Variants in NINJ2 observed in about 807,000 individuals in gnomAD.
NINJ2 encodes ninjurin-2.
NINJ2 carries 12 observed loss-of-function variants against 11.7 expected under a neutral mutation model. The observed-to-expected ratio is 1.02, with a 90% CI of 0.66 to 1.66. The LOEUF is 1.66. NINJ2 is among the 40% of genes most tolerant of loss of function. NINJ2 has a pLI of 0.00. For missense variants in NINJ2, 187 were observed against 181.8 expected (o/e 1.03, Z -0.16); for synonymous variants, 93 against 76.8 (o/e 1.21, Z -1.10).
intron 1 of NINJ2, among the ~76,000 whole-genome samples, chr12:612,563 G>A (rs1565635566): frequency 6.6e-6 from 1 of 152,158 alleles, no homozygotes; most frequent in Non-Finnish European, 1.5e-5. Flanking sequence ...AAAAATGAGA[G>A]GCCAGGCAGC....
In NINJ2 at chr12:580,900, C is replaced by CTG. The variant is rs772320575; in HGVS notation, c.34-14724_34-14723dup. Among the ~76,000 whole-genome samples, 1 of 149,038 alleles carries CTG rather than the reference C, an allele frequency of 6.7e-6. No homozygotes were observed. Among genetic ancestry groups the CTG allele is most frequent in the Non-Finnish European group, 1.5e-5 (1 of 67,286 alleles). On this transcript the variant is annotated intron_variant, in intron 1 of 3. Coordinates refer to ENST00000305108, the MANE Select transcript of NINJ2 (RefSeq NM_016533.6). The surrounding 1 kb of genome is among the most constrained non-coding windows in gnomAD (Gnocchi z 4.7). ...TGTGTCTATGCATGTGTCTGTGTGT[C>CTG]TGTGTGTGTGTCTGTATGTTTGTGT...
Position 633,943 on chromosome 12 carries a change from AC to A in NINJ2, c.33+29384del, listed in dbSNP as rs1441020505. On this transcript the variant is annotated intron_variant, in intron 1 of 3. Coordinates refer to ENST00000305108, the MANE Select transcript of NINJ2 (RefSeq NM_016533.6). The surrounding 1 kb of genome is among the most constrained non-coding windows in gnomAD (Gnocchi z 4.3). ...TCCAGTTGTGCTTTCCCCCACACAC[AC>A]CGTCTGATCTGGTCAGAAAGGCCTT... is the stretch of plus-strand genomic sequence containing the variant. 6.6e-6 allele frequency among the ~76,000 whole-genome samples: 1 copy of A among 152,138 alleles called. No individual in the cohort carries two copies. The highest frequency in any genetic ancestry group is 1.5e-5 in the Non-Finnish European group (1 of 68,028).
At chr12:654,226 TA>T (rs1050111918) in intron 1 of NINJ2, among the ~76,000 whole-genome samples, 7 of 151,880 alleles carry the variant, frequency 4.6e-5, no homozygotes, top group Non-Finnish European at 1.0e-4. Flanking sequence ...ACATACGGAT[TA>T]AAAGTAAATG....
At chr12:598,295 C>A (rs750155801) in intron 1 of NINJ2, among the ~76,000 whole-genome samples, 3 of 152,330 alleles carry the variant, frequency 2.0e-5, no homozygotes, top group Admixed American at 2.0e-4. Context: ...GGGGTAAGTG[C>A]GGATCTACGT....
chr12:565,760 G>C (rs776366178), intron 2 of NINJ2, 190 bp downstream of exon 2: 32 of 671,024 alleles, frequency 4.8e-5, no homozygotes, highest in Non-Finnish European at 7.8e-5. Context: ...CCAGGAGACA[G>C]GACAGGGCGC....
intron 1 of NINJ2, chr12:632,566 C>T (rs1245107710): frequency 6.6e-6 from 1 of 152,272 alleles, no homozygotes; most frequent in Non-Finnish European, 1.5e-5. Flanking sequence ...TGGCAAGACT[C>T]AACATTCCTG....
chr12:637,075 G>C (rs1948361289), intron 1 of NINJ2, among the ~76,000 whole-genome samples: 1 of 152,240 alleles, frequency 6.6e-6, no homozygotes, highest in African/African-American at 2.4e-5. Flanking sequence ...TTCTGGCCAG[G>C]CACAGTGGCT....
At chr12:613,091 C>T (rs911237693) in intron 1 of NINJ2, among the ~76,000 whole-genome samples, 1 of 152,146 alleles carries the variant, frequency 6.6e-6, no homozygotes, top group Non-Finnish European at 1.5e-5. Flanking sequence ...TGGACCCCAG[C>T]CCAGCACTCC....
rs67797144 is a variant in NINJ2 at position 634,265 on chromosome 12, CTTTT to C, written c.33+29059_33+29062del. 9.1e-4 allele frequency among the ~76,000 whole-genome samples: 54 copies of C among 59,532 alleles called. No homozygotes were observed. In the South Asian group the frequency reaches 0.029, roughly 32 times the overall value. The allele number at this position is 59,532 out of a possible 152,430, so 39.1% of individuals were successfully genotyped here. A position where few individuals can be genotyped will look rare whatever the true frequency, so the allele number is the denominator to read the frequency against. On this transcript the variant is annotated intron_variant, in intron 1 of 3. Coordinates refer to ENST00000305108, the MANE Select transcript of NINJ2 (RefSeq NM_016533.6). Reference sequence around the variant, plus strand: ...AAATAAATGTTGATTAGTTGCAGTTCTTTTTTTTTTTTTTTTTTTTTTTTTGCAC... The same window carrying C: ...AAATAAATGTTGATTAGTTGCAGTTCTTTTTTTTTTTTTTTTTTTTTGCAC...
intron 1 of NINJ2, among the ~76,000 whole-genome samples, chr12:654,017 G>A (rs1035082967): frequency 1.3e-5 from 2 of 152,120 alleles, no homozygotes; most frequent in African/African-American, 4.8e-5. Flanking sequence ...GCAATATAGT[G>A]AGACCCCATC....
chr12:629,806 G>A (rs1948250281), intron 1 of NINJ2, among the ~76,000 whole-genome samples: 1 of 148,012 alleles, frequency 6.8e-6, no homozygotes, highest in Non-Finnish European at 1.5e-5. Flanking sequence ...AGAATCACTT[G>A]AACCTGGGAG....
intron 1 of NINJ2, among the ~76,000 whole-genome samples, chr12:657,358 G>A (rs1013004319): frequency 6.6e-6 from 1 of 152,186 alleles, no homozygotes; most frequent in Non-Finnish European, 1.5e-5. Flanking sequence ...GGGAGGCTGA[G>A]GCGGGTGGAT....
At chr12:589,717 A>G (rs542775587) in intron 1 of NINJ2, 1 of 152,214 alleles carries the variant, frequency 6.6e-6, no homozygotes, top group Non-Finnish European at 1.5e-5. Context: ...TTCTACAAGC[A>G]TGTGCTGGGT....
intron 1 of NINJ2, among the ~76,000 whole-genome samples, chr12:576,389 A>C (rs1328553698): frequency 1.3e-5 from 2 of 152,218 alleles, no homozygotes; most frequent in Admixed American, 6.5e-5. Flanking sequence ...TCTCTCCAAC[A>C]AAAGGGGGCC....
In NINJ2 at chr12:585,504, GAAC is replaced by G. The variant is rs1947621772; in HGVS notation, c.34-19329_34-19327del. Among the ~76,000 whole-genome samples the G allele has an allele frequency of 6.0e-5, 9 of 150,164 alleles. No homozygotes were observed. Among genetic ancestry groups the G allele is most frequent in the African/African-American group, 2.2e-4 (9 of 41,166 alleles). ...GGGAACGGTTGGAGGGAAGGGAAGG[GAAC>G]GGTTGGAGGGAAGGGAAGGGAACGG... On this transcript the variant is annotated intron_variant, in intron 1 of 3. Transcript: ENST00000305108. The surrounding 1 kb of genome is among the most constrained non-coding windows in gnomAD (Gnocchi z 4.1).
At chr12:584,456 A>G (rs1275599618) in intron 1 of NINJ2, among the ~76,000 whole-genome samples, 2 of 152,128 alleles carry the variant, frequency 1.3e-5, no homozygotes, top group Non-Finnish European at 2.9e-5. Context: ...TGATCACCTG[A>G]GGTCAGGAGT....
chr12:657,717 G>A (rs114817737), intron 1 of NINJ2, among the ~76,000 whole-genome samples: 160 of 152,300 alleles, frequency 1.1e-3, no homozygotes, highest in African/African-American at 3.7e-3. Flanking sequence ...TATGTCACTA[G>A]GGAAATGCAA....
intron 1 of NINJ2, among the ~76,000 whole-genome samples, chr12:573,320 C>G (rs1440041568): frequency 6.6e-6 from 1 of 152,140 alleles, no homozygotes; most frequent in Non-Finnish European, 1.5e-5. Flanking sequence ...AGCCACCACA[C>G]CAGGCCCAGA....
chr12:652,606 G>T (rs932996243), intron 1 of NINJ2, among the ~76,000 whole-genome samples: 4 of 152,066 alleles, frequency 2.6e-5, no homozygotes, highest in Non-Finnish European at 5.9e-5. Context: ...AAGAATCAAT[G>T]AAGGTAAAAG....
Sources: allele counts gnomAD v4.1 joint callset (sites outside exome capture counted in the v4.1 genomes callset), GRCh38; gene constraint gnomAD v4.1.1; non-coding constraint Gnocchi (gnomAD v3.1); transcripts MANE v1.5; gene names NCBI Gene and HGNC (gene_info 2026-07-23, HGNC 2026-07-21).